The following DNAH5 variants were observed in gnomAD, a reference collection of about 807,000 sequenced individuals.
DNAH5 encodes dynein axonemal heavy chain 5, also known as axonemal beta dynein heavy chain 5.
Under a neutral mutation model 518.2 loss-of-function variants are expected in DNAH5, and 372 were observed. The observed-to-expected ratio is 0.72, with a 90% CI of 0.66 to 0.78. The LOEUF (loss-of-function observed/expected upper bound fraction) is 0.78. Ranked by LOEUF, DNAH5 falls within the 30% of genes least tolerant of loss-of-function variation. The pLI is 0.00. For missense variants in DNAH5, 5,523 were observed against 5,687.0 expected (o/e 0.97, Z 0.93); for synonymous variants, 2,039 against 2,025.9 (o/e 1.01, Z -0.17).
rs568542412 is a variant in DNAH5 at position 13,780,507 on chromosome 5, G to C, written c.8951+322C>G. 3.9e-5 allele frequency among the ~76,000 whole-genome samples: 6 copies of C among 152,282 alleles called. No individual in the cohort carries two copies. In the East Asian group the frequency reaches 7.7e-4, roughly 20 times the overall value. On this transcript the variant is annotated intron_variant, in intron 53 of 78. Coordinates refer to ENST00000265104, the MANE Select transcript of DNAH5 (RefSeq NM_001369.3). ...ATTTTTCCATTGTATTAACATCCTTGAAATCTGAATTAACACTCAACAGGG... is the reference window on the plus strand; with the variant it reads ...ATTTTTCCATTGTATTAACATCCTTCAAATCTGAATTAACACTCAACAGGG...
chr5:13,972,366 G>A (rs1178297561), intron 1 of DNAH5, among the ~76,000 whole-genome samples: 4 of 152,136 alleles, frequency 2.6e-5, no homozygotes, highest in Admixed American at 2.0e-4. Context: ...GAAACCTCAC[G>A]TTTGGTCAAA....
chr5:13,703,279 C>T (rs1742363123), intron 76 of DNAH5, among the ~76,000 whole-genome samples: 1 of 152,146 alleles, frequency 6.6e-6, no homozygotes. Context: ...AGGCACTGTT[C>T]TAAGCACTTC....
intron 65 of DNAH5, among the ~76,000 whole-genome samples, chr5:13,738,246 TTA>T (rs201874098): frequency 3.5e-5 from 5 of 142,428 alleles, no homozygotes; most frequent in African/African-American, 1.4e-4. Flanking sequence ...ATATTTAATA[TTA>T]TATATATAAA....
At chr5:13,732,163 C>T (rs993589554) in intron 68 of DNAH5, among the ~76,000 whole-genome samples, 1 of 150,566 alleles carries the variant, frequency 6.6e-6, no homozygotes, top group African/African-American at 2.4e-5. Context: ...GGCTATTGGG[C>T]TTAAAAGCTG....
intron 47 of DNAH5, among the ~76,000 whole-genome samples, chr5:13,801,140 A>G (rs914505997): frequency 2.0e-5 from 3 of 152,058 alleles, no homozygotes; most frequent in East Asian, 1.9e-4. Flanking sequence ...GTCATCCCCA[A>G]TGTTGGAGGT....
At chr5:13,712,314 T>G (rs1384932606) in intron 75 of DNAH5, among the ~76,000 whole-genome samples, 1 of 152,128 alleles carries the variant, frequency 6.6e-6, no homozygotes, top group African/African-American at 2.4e-5. Context: ...TATACAAAAA[T>G]CAACTCAAGA....
Position 13,780,968 on chromosome 5 carries a change from T to C in DNAH5, c.8821-9A>G, listed in dbSNP as rs371866712. ...CGAATGACACGAGAGATCTGTAATA[T>C]GGAACAGAAAAAGTATGTATCTTTC... is the stretch of plus-strand genomic sequence containing the variant. On this transcript the variant is annotated splice_polypyrimidine_tract_variant and intron_variant, in intron 52 of 78. Coordinates refer to ENST00000265104, the MANE Select transcript of DNAH5 (RefSeq NM_001369.3). The C allele has an allele frequency of 1.2e-6, 2 of 1,613,394 alleles. No individual in the cohort carries two copies. Among genetic ancestry groups the C allele is most frequent in the Non-Finnish European group, 8.5e-7 (1 of 1,179,536 alleles).
At chr5:13,851,475 A>T (rs1194001893) in intron 30 of DNAH5, among the ~76,000 whole-genome samples, 5 of 151,630 alleles carry the variant, frequency 3.3e-5, no homozygotes, top group East Asian at 2.0e-4. Context: ...GCCTAGCTAA[A>T]TTTTTTTTAT....
chr5:13,860,010 G>T (rs1040917192), intron 29 of DNAH5, among the ~76,000 whole-genome samples: 1 of 152,148 alleles, frequency 6.6e-6, no homozygotes, highest in Non-Finnish European at 1.5e-5. Context: ...AGAACCATCA[G>T]TGGGGACCAG....
intron 29 of DNAH5, among the ~76,000 whole-genome samples, chr5:13,861,952 C>CAAAAAAAA (rs59674964): frequency 4.6e-4 from 23 of 49,512 alleles, no homozygotes; most frequent in Non-Finnish European, 6.0e-4. Context: ...GATTCCATCT[C>CAAAAAAAA]AAAAAAAAAA....
At position 13,927,434 on chromosome 5, in the gene DNAH5, G is replaced by A. The variant is rs538336303; in HGVS notation, c.277+660C>T. ...GAGGCAGGAGAATTGCTTGAACCCC[G>A]GGAGGTAGAGGTTGCGGGGAGCCAA... is the stretch of plus-strand genomic sequence containing the variant. On this transcript the variant is annotated intron_variant, in intron 3 of 78. Coordinates refer to ENST00000265104, the MANE Select transcript of DNAH5 (RefSeq NM_001369.3). Among the ~76,000 whole-genome samples the A allele has an allele frequency of 2.3e-4, 35 of 152,222 alleles. No homozygotes were observed. In the South Asian group the frequency reaches 5.4e-3, roughly 23 times the overall value.
At chr5:13,962,053 A>T (rs1781222013) in intron 1 of DNAH5, among the ~76,000 whole-genome samples, 1 of 152,202 alleles carries the variant, frequency 6.6e-6, no homozygotes, top group South Asian at 2.1e-4. Context: ...AACTGTACAT[A>T]TTTAACATAT....
chr5:13,692,677 C>T (rs570512302), intron 78 of DNAH5, among the ~76,000 whole-genome samples: 37 of 152,260 alleles, frequency 2.4e-4, no homozygotes, highest in East Asian at 1.2e-3. Context: ...ATTGCTGGGA[C>T]GCAGAGAGTA....
intron 47 of DNAH5, 23 bp downstream of exon 47, chr5:13,807,568 G>A: frequency 6.2e-7 from 1 of 1,611,814 alleles, no homozygotes. Context: ...TGGGCTTACT[G>A]AGCCATACCA....
intron 5 of DNAH5, 71 bp downstream of exon 5, chr5:13,922,036 C>A: frequency 6.7e-7 from 1 of 1,485,482 alleles, no homozygotes; most frequent in Non-Finnish European, 9.4e-7. Context: ...CTAAGAGAAG[C>A]ATTACACACT....
chr5:13,790,828 A>C (rs1156769391), intron 50 of DNAH5, among the ~76,000 whole-genome samples: 1 of 152,210 alleles, frequency 6.6e-6, no homozygotes, highest in African/African-American at 2.4e-5. Flanking sequence ...AAACGGACTA[A>C]TACACCACAT....
In DNAH5 at chr5:13,766,144, C is replaced by A. The variant is rs376212341; in HGVS notation, c.9933G>T (p.Thr3311=). 3.1e-6 allele frequency: 5 copies of A among 1,614,046 alleles called. No homozygotes were observed. In the African/African-American group the frequency reaches 4.0e-5, roughly 13 times the overall value. The change falls in exon 59 of 79, where the codon ACG becomes ACT. Residue 3311 remains threonine, a synonymous_variant. Coordinates refer to ENST00000265104, the MANE Select transcript of DNAH5 (RefSeq NM_001369.3). ...IRPSDIATVR[T]LGRPPHLIMR... is the part of the protein sequence containing the mutation. ...TGATGAGGTGAGGGGGGCGGCCCAA[C>A]GTGCGAACAGTGGCGATGTCCGAAG...
chr5:13,885,239 A>G lies in DNAH5; in HGVS notation c.2744-11T>C, dbSNP rs111516505. 2 of 1,613,800 alleles carry G rather than the reference A, an allele frequency of 1.2e-6. No homozygotes were observed. Among genetic ancestry groups the G allele is most frequent in the African/African-American group, 2.7e-5 (2 of 75,048 alleles). Reference sequence around the variant, plus strand: ...CTTCTTCTCTTTTTGCTGTTACAAGATGAAAGAGATAGAGATAGAGATAAG... The same window carrying G: ...CTTCTTCTCTTTTTGCTGTTACAAGGTGAAAGAGATAGAGATAGAGATAAG... On this transcript the variant is annotated splice_polypyrimidine_tract_variant and intron_variant, in intron 18 of 78. Transcript: ENST00000265104.
In DNAH5 at chr5:14,000,366, C is replaced by T. The variant is rs116711500; in HGVS notation, c.12+11282G>A. On this transcript the variant is annotated intron_variant, in intron 1 of 78. Transcript: ENST00000681290. The stretch of plus-strand genomic sequence containing the variant: ...GGAGTGAGCACGGCCCTTGCCAACA[C>T]CTGGATTTCAGCTCCCAGCCTCCAA... 1.7e-3 allele frequency among the ~76,000 whole-genome samples: 266 copies of T among 152,346 alleles called. 4 individuals carry two copies. Among genetic ancestry groups the T allele is most frequent in the African/African-American group, 6.2e-3 (257 of 41,580 alleles).
Sources: allele counts gnomAD v4.1 joint callset (sites outside exome capture counted in the v4.1 genomes callset), GRCh38; gene constraint gnomAD v4.1.1; transcripts MANE v1.5; gene names NCBI Gene and HGNC (gene_info 2026-07-23, HGNC 2026-07-21).